Variants in CDCA2 observed in about 807,000 individuals in gnomAD.
The protein encoded by CDCA2 is cell division cycle-associated protein 2.
In CDCA2, 44 loss-of-function variants were observed where a neutral mutation model predicts 67.0. The observed-to-expected ratio is 0.66, with a 90% CI of 0.52 to 0.84. CDCA2 has a LOEUF of 0.84. Ranked by LOEUF, CDCA2 falls within the 40% of genes least tolerant of loss-of-function variation. CDCA2 has a pLI of 0.00. For missense variants in CDCA2, 1,253 were observed against 1,203.2 expected (o/e 1.04, Z -0.61); for synonymous variants, 447 against 418.7 (o/e 1.07, Z -0.82).
At chr8:25,486,949 G>A (rs1803802289) in intron 11 of CDCA2, among the ~76,000 whole-genome samples, 1 of 152,110 alleles carries the variant, frequency 6.6e-6, no homozygotes, top group Non-Finnish European at 1.5e-5. Flanking sequence ...GAATAAATGG[G>A]TGTTCATGAA....
intron 4 of CDCA2, among the ~76,000 whole-genome samples, chr8:25,465,098 C>A (rs767052307): frequency 6.6e-6 from 1 of 152,172 alleles, no homozygotes; most frequent in Non-Finnish European, 1.5e-5. Context: ...CTCAGCCTCC[C>A]ACATAGCTGG....
Position 25,489,798 on chromosome 8 carries a change from A to G in CDCA2, c.1671+1109A>G, listed in dbSNP as rs1803931159. On this transcript the variant is annotated intron_variant, in intron 13 of 14. Coordinates refer to ENST00000330560, the MANE Select transcript of CDCA2 (RefSeq NM_152562.4). ...TCTTCTTTGCCCTTGTAAATTGTTT[A>G]TCTTCTGGGTAATTTCATACACAGC... Among the ~76,000 whole-genome samples, 3 of 152,228 alleles carry G rather than the reference A, an allele frequency of 2.0e-5. No homozygotes were observed. The South Asian group carries it at 6.2e-4, about 32-fold the overall frequency.
intron 6 of CDCA2, among the ~76,000 whole-genome samples, 194 bp downstream of exon 6, chr8:25,468,607 T>C (rs1354830857): frequency 1.3e-5 from 2 of 151,718 alleles, no homozygotes; most frequent in Non-Finnish European, 2.9e-5. Flanking sequence ...TTGCTGGTAT[T>C]TATCACTTAT....
At chr8:25,492,071 CA>C (rs1804028589) in intron 13 of CDCA2, among the ~76,000 whole-genome samples, 1 of 151,974 alleles carries the variant, frequency 6.6e-6, no homozygotes, top group South Asian at 2.1e-4. Flanking sequence ...GCTGGGATTA[CA>C]GGCGTGAGCC....
chr8:25,507,569 C>G lies in CDCA2; in HGVS notation c.2903C>G (p.Ser968Cys), dbSNP rs755278865. Residue 968 changes from serine to cysteine, a missense_variant, in exon 15 of 15, where the codon TCC (serine) becomes TGC (cysteine). By Grantham distance (112) the Ser-to-Cys change is moderately radical. Coordinates refer to ENST00000330560, the MANE Select transcript of CDCA2 (RefSeq NM_152562.4). ...AGCCAGGGCCCTGCTGCTGGTTCTT[C>G]CGATGAACCTGGTAAGAGGAGGAAG... ...ENSQGPAAGS[S>C]DEPGKRRKSF... 6.2e-7 allele frequency: 1 copy of G among 1,614,214 alleles called. No individual in the cohort carries two copies. The highest frequency in any genetic ancestry group is 1.1e-5 in the South Asian group (1 of 91,076).
chr8:25,488,913 C>G (rs1803893483), intron 13 of CDCA2, among the ~76,000 whole-genome samples: 1 of 152,068 alleles, frequency 6.6e-6, no homozygotes, highest in Non-Finnish European at 1.5e-5. Flanking sequence ...TGCGTACTTC[C>G]TGCACAGTAA....
chr8:25,496,945 C>T (rs1804246886), intron 13 of CDCA2, among the ~76,000 whole-genome samples: 1 of 152,006 alleles, frequency 6.6e-6, no homozygotes, highest in Admixed American at 6.5e-5. Context: ...TTGATATGTC[C>T]TAAGAACGTA....
chr8:25,471,505 G>T (rs1803154316), intron 7 of CDCA2, among the ~76,000 whole-genome samples: 1 of 152,026 alleles, frequency 6.6e-6, no homozygotes, highest in African/African-American at 2.4e-5. Flanking sequence ...AGAATTACAG[G>T]TGCCTGCCAC....
chr8:25,469,019 A>AAG (rs1190184228), intron 6 of CDCA2, among the ~76,000 whole-genome samples: 1 of 152,260 alleles, frequency 6.6e-6, no homozygotes, highest in Non-Finnish European at 1.5e-5. Flanking sequence ...TATTAGAAAA[A>AAG]TAATACTACT....
chr8:25,468,532 G>GGGGTGTGTGTGT (rs1554520606), intron 6 of CDCA2, 119 bp downstream of exon 6: 75 of 424,300 alleles, frequency 1.8e-4, no homozygotes, highest in East Asian at 1.1e-3. Flanking sequence ...TGGTTCCTGG[G>GGGGTGTGTGTGT]GTGTGTGTGT....
chr8:25,501,793 C>G (rs1804487412), intron 13 of CDCA2, among the ~76,000 whole-genome samples: 1 of 152,204 alleles, frequency 6.6e-6, no homozygotes, highest in African/African-American at 2.4e-5. Flanking sequence ...AATACATCCT[C>G]TTTGCTTCCA....
intron 6 of CDCA2, among the ~76,000 whole-genome samples, chr8:25,469,276 C>T (rs1414808655): frequency 3.3e-5 from 5 of 152,242 alleles, no homozygotes; most frequent in African/African-American, 9.6e-5. Context: ...AGACATTCTT[C>T]AGGCTCCAGT....
intron 12 of CDCA2, 64 bp from the exon 13 acceptor site, chr8:25,488,488 G>C: frequency 6.9e-7 from 1 of 1,446,068 alleles, no homozygotes; most frequent in Non-Finnish European, 9.2e-7. Context: ...ACAAGAGTGA[G>C]AGCAGCACAT....
At chr8:25,503,274 C>A (rs1278187852) in intron 13 of CDCA2, 99 bp from the exon 14 acceptor site, 7 of 870,396 alleles carry the variant, frequency 8.0e-6, no homozygotes, top group African/African-American at 5.1e-5. Flanking sequence ...CAAAGTGAGA[C>A]CCTGTCTCAA....
In CDCA2 at chr8:25,495,501, G is replaced by A. The variant is rs556277662; in HGVS notation, c.1671+6812G>A. Among the ~76,000 whole-genome samples the A allele has an allele frequency of 2.6e-5, 4 of 151,900 alleles. No individual in the cohort carries two copies. In the East Asian group the frequency reaches 7.8e-4, roughly 29 times the overall value. ...GTGAGCTCGGCTCACTGCAAGCTCC[G>A]CCTCCCGGGTTCATGCCATTCTCCT... is the stretch of plus-strand genomic sequence containing the variant. On this transcript the variant is annotated intron_variant, in intron 13 of 14. Coordinates refer to ENST00000330560, the MANE Select transcript of CDCA2 (RefSeq NM_152562.4).
chr8:25,481,504 C>CA (rs1803569804), intron 8 of CDCA2, among the ~76,000 whole-genome samples: 2 of 152,040 alleles, frequency 1.3e-5, no homozygotes, highest in African/African-American at 4.8e-5. Context: ...TCCTGGCTGA[C>CA]ACAGTGAAAC....
At chr8:25,503,650 G>T in intron 14 of CDCA2, 106 bp downstream of exon 14, 1 of 1,131,814 alleles carries the variant, frequency 8.8e-7, no homozygotes, top group African/African-American at 1.6e-5. Context: ...TAAAGAGTAC[G>T]TAAATTTTAA....
At chr8:25,465,390 TAAAA>T (rs1287881523) in intron 4 of CDCA2, among the ~76,000 whole-genome samples, 1 of 151,766 alleles carries the variant, frequency 6.6e-6, no homozygotes, top group African/African-American at 2.4e-5. Context: ...GTCCAAGTAA[TAAAA>T]AAAAATCTAG....
At chr8:25,503,247 C>T (rs1356648502) in intron 13 of CDCA2, 126 bp from the exon 14 acceptor site, 1 of 698,424 alleles carries the variant, frequency 1.4e-6, no homozygotes, top group Non-Finnish European at 2.4e-6. Flanking sequence ...TGTGCCACTG[C>T]ACTCCAGCCT....
Sources: allele counts gnomAD v4.1 joint callset (sites outside exome capture counted in the v4.1 genomes callset), GRCh38; gene constraint gnomAD v4.1.1; transcripts MANE v1.5; gene names NCBI Gene and HGNC (gene_info 2026-07-23, HGNC 2026-07-21).